IFIH1: variants seen among roughly 807,000 people sequenced by gnomAD.
IFIH1 encodes the protein interferon induced with helicase C domain 1.
IFIH1 carries 125 observed loss-of-function variants against 107.4 expected under a neutral mutation model. The observed-to-expected ratio is 1.16, with a 90% confidence interval of 1.01 to 1.35. IFIH1 has a LOEUF of 1.35. Among genes scored for constraint, IFIH1 ranks in the 40% most tolerant of loss-of-function variants. The pLI is 0.00. For synonymous variants in IFIH1, 458 were observed against 413.2 expected (o/e 1.11, Z -1.31); for missense variants, 1,333 against 1,213.7 (o/e 1.10, Z -1.46).
chr2:162,313,511 T>C (rs1683418851), intron 1 of IFIH1, among the ~76,000 whole-genome samples: 1 of 152,248 alleles, frequency 6.6e-6, no homozygotes, highest in South Asian at 2.1e-4. Context: ...AATTCTTTGA[T>C]ATGTTTTTTC....
At chr2:162,306,896 C>T (rs754949509) in intron 2 of IFIH1, 41 bp from the exon 3 acceptor site, 4 of 1,591,822 alleles carry the variant, frequency 2.5e-6, no homozygotes, top group East Asian at 4.5e-5. Context: ...TAGTGCCATA[C>T]AAGTTTTTGT....
rs1286741340 is a variant in IFIH1, at chr2:162,273,919, T to C, written c.2330A>G (p.Lys777Arg). Reference sequence around the variant, plus strand: ...CAGATTTATTTTTCCAGTGCGAAATTTACTAATGACTTCTTTTTGTTCATT... The same window carrying C: ...CAGATTTATTTTTCCAGTGCGAAATCTACTAATGACTTCTTTTTGTTCATT... ...TQNEQKEVIS[K>R]FRTGKINLLI... Residue 777 changes from lysine (K) to arginine (R), a missense_variant, in exon 12 of 16, where the codon AAA (lysine) becomes AGA (arginine). Transcript: ENST00000649979. 21 of 1,606,648 alleles carry C rather than the reference T, an allele frequency of 1.3e-5. No homozygotes were observed. Among genetic ancestry groups the C allele is most frequent in the Non-Finnish European group, 1.7e-5 (20 of 1,174,528 alleles).
chr2:162,274,558 A>G (rs1379220125), intron 11 of IFIH1, among the ~76,000 whole-genome samples: 2 of 152,186 alleles, frequency 1.3e-5, no homozygotes, highest in Non-Finnish European at 2.9e-5. Context: ...TGAATGAGGT[A>G]AATATATTAT....
intron 5 of IFIH1, among the ~76,000 whole-genome samples, chr2:162,286,082 C>T (rs1352449801): frequency 6.6e-6 from 1 of 151,846 alleles, no homozygotes; most frequent in Non-Finnish European, 1.5e-5. Flanking sequence ...CTGGACACCG[C>T]ATTTAAGAGT....
chr2:162,267,417 G>T (rs763627964), intron 15 of IFIH1, 38 bp from the exon 16 acceptor site: 4 of 1,612,570 alleles, frequency 2.5e-6, no homozygotes, highest in Non-Finnish European at 3.4e-6. Context: ...AAAATTAAAT[G>T]TACATGCAAT....
Position 162,277,473 on chromosome 2 carries a change from A to G in IFIH1, c.1986T>C (p.Asp662=), listed in dbSNP as rs767638963. ...CATCCAGTTTCAAAGGTTTCTTTAAATCATCCTCATCTTCATCACCATCAC... is the reference window on the plus strand; with the variant it reads ...CATCCAGTTTCAAAGGTTTCTTTAAGTCATCCTCATCTTCATCACCATCAC... ...EYCDGDEDED[D]LKKPLKLDET... is the part of the protein sequence containing the mutation. Residue 662 remains aspartate (D), a synonymous_variant, in exon 10 of 16, where the codon GAT becomes GAC. Coordinates refer to ENST00000649979, the MANE Select transcript of IFIH1 (RefSeq NM_022168.4). 6.2e-6 allele frequency: 10 copies of G among 1,607,234 alleles called. No homozygotes were observed. The highest frequency in any genetic ancestry group is 8.5e-6 in the Non-Finnish European group (10 of 1,174,706).
intron 2 of IFIH1, among the ~76,000 whole-genome samples, chr2:162,309,447 C>T (rs982104395): frequency 6.6e-6 from 1 of 152,340 alleles, no homozygotes; most frequent in African/African-American, 2.4e-5. Context: ...GCATTCTTTC[C>T]TTTCCCTGAA....
intron 3 of IFIH1, among the ~76,000 whole-genome samples, chr2:162,302,950 C>T (rs950771153): frequency 4.6e-5 from 7 of 152,156 alleles, no homozygotes; most frequent in South Asian, 2.1e-4. Flanking sequence ...GATGGATCCT[C>T]GGATTACTGT....
rs777469992 is a variant in IFIH1 at position 162,267,225 on chromosome 2, C to T, written c.3053G>A (p.Cys1018Tyr). 1.3e-6 allele frequency: 2 copies of T among 1,595,580 alleles called. No individual in the cohort carries two copies. Among genetic ancestry groups the T allele is most frequent in the Non-Finnish European group, 1.7e-6 (2 of 1,174,940 alleles). Residue 1018 changes from cysteine to tyrosine, a missense_variant, in exon 16 of 16, where the codon TGC (cysteine) becomes TAC (tyrosine). Cys to Tyr is a radical substitution (Grantham distance 194, BLOSUM62 -2). Transcript: ENST00000649979. ...CTAATCCTCATCACTAAATAAACAG[C>T]ATTCTGAATAGTCAAGATTGGGAAA... ...ITFPNLDYSE[C>Y]CLFSDED
At chr2:162,307,008 T>C in intron 2 of IFIH1, 153 bp from the exon 3 acceptor site, 1 of 599,282 alleles carries the variant, frequency 1.7e-6, no homozygotes, top group South Asian at 2.3e-5. Flanking sequence ...GAATAGAATG[T>C]AAATTGTATT....
chr2:162,288,526 G>A (rs1004655462), intron 4 of IFIH1, among the ~76,000 whole-genome samples, 171 bp from the exon 5 acceptor site: 2 of 151,990 alleles, frequency 1.3e-5, no homozygotes, highest in African/African-American at 4.8e-5. Context: ...TGCATCTGCA[G>A]AATACAACAC....
Position 162,281,412 on chromosome 2 carries a change from GGGAATCACT to G in IFIH1, c.1431_1439del (p.Val478_Pro480del), listed in dbSNP as rs769826671. The G allele has an allele frequency of 1.1e-5, 18 of 1,612,636 alleles. No homozygotes were observed. Among genetic ancestry groups the G allele is most frequent in the Non-Finnish European group, 1.5e-5 (18 of 1,179,166 alleles). ...CTGTTAGTCCCAGTATCTGAGGAAG[GGGAATCACT>G]GGTTTGTTTTCTTTCTTGAGTCTAT... is the stretch of plus-strand genomic sequence containing the variant. On this transcript the variant is annotated inframe_deletion, in exon 7 of 16. Coordinates refer to ENST00000649979, the MANE Select transcript of IFIH1 (RefSeq NM_022168.4).
intron 5 of IFIH1, among the ~76,000 whole-genome samples, chr2:162,285,706 T>A (rs1187717914): frequency 6.6e-6 from 1 of 151,860 alleles, no homozygotes; most frequent in African/African-American, 2.4e-5. Flanking sequence ...TTCCGAAGAA[T>A]CATGTAGATC....
intron 5 of IFIH1, 62 bp downstream of exon 5, chr2:162,288,073 T>C (rs1453128192): frequency 1.9e-6 from 2 of 1,064,300 alleles, no homozygotes; most frequent in East Asian, 4.8e-5. Flanking sequence ...AATGCCATCA[T>C]ATAAAAGTTT....
intron 3 of IFIH1, among the ~76,000 whole-genome samples, chr2:162,297,985 A>G (rs975894005): frequency 5.9e-5 from 9 of 152,182 alleles, no homozygotes; most frequent in African/African-American, 2.2e-4. Context: ...CATACTCTAG[A>G]CCTTAAATAC....
At chr2:162,294,878 A>T (rs960840592) in intron 3 of IFIH1, among the ~76,000 whole-genome samples, 1 of 151,896 alleles carries the variant, frequency 6.6e-6, no homozygotes, top group Non-Finnish European at 1.5e-5. Flanking sequence ...ATAAAAATGG[A>T]TGAAAAAATA....
intron 1 of IFIH1, among the ~76,000 whole-genome samples, chr2:162,314,416 T>TTTTCTTTCTCTCTTTC (rs1683441857): frequency 3.9e-5 from 2 of 51,444 alleles, no homozygotes; most frequent in Non-Finnish European, 6.9e-5. Flanking sequence ...TCTTTCTTTC[T>TTTTCTTTCTCTCTTTC]TTTCTTTCTT....
intron 3 of IFIH1, among the ~76,000 whole-genome samples, chr2:162,302,771 G>C (rs1683214859): frequency 6.6e-6 from 1 of 152,208 alleles, no homozygotes; most frequent in Admixed American, 6.5e-5. Flanking sequence ...GCAGTCTAAA[G>C]CAAAGGTCTG....
chr2:162,281,314 A>T lies in IFIH1; in HGVS notation c.1524+14T>A, dbSNP rs777457523. ...GCTTTGCTTTCATTGGTTATACATA[A>T]AATTATGACTTACTTTTAAAATGTG... On this transcript the variant is annotated intron_variant, in intron 7 of 15. Transcript: ENST00000649979. 6.2e-7 allele frequency: 1 copy of T among 1,604,326 alleles called. No individual in the cohort carries two copies. The highest frequency in any genetic ancestry group is 8.5e-7 in the Non-Finnish European group (1 of 1,172,800).
Sources: allele counts gnomAD v4.1 joint callset (sites outside exome capture counted in the v4.1 genomes callset), GRCh38; gene constraint gnomAD v4.1.1; transcripts MANE v1.5; gene names NCBI Gene and HGNC (gene_info 2026-07-23, HGNC 2026-07-21).